SMAD2: variants seen among roughly 807,000 people sequenced by gnomAD.
SMAD2 encodes SMAD family member 2, also known as MAD homolog 2.
A neutral mutation model predicts 64.4 loss-of-function variants in SMAD2; 8 were observed. The ratio of observed to expected loss-of-function variants is 0.12; its 90% CI spans 0.07 to 0.22. The LOEUF (loss-of-function observed/expected upper bound fraction) is 0.22, where lower values mean the gene tolerates loss of function less well. Ranked by LOEUF, SMAD2 falls within the 10% of genes least tolerant of loss-of-function variation. The pLI is 1.00. For missense variants in SMAD2, 289 were observed against 561.2 expected, an observed-to-expected ratio of 0.51 and a Z score of 4.90; for synonymous variants, 203 against 195.8, an observed-to-expected ratio of 1.04 and a Z score of -0.31.
At position 47,816,934 on chromosome 18, in the gene SMAD2, T is replaced by C. The variant is rs902906032; in HGVS notation, c.*24893A>G. 3 of 152,076 alleles carry C rather than the reference T, an allele frequency of 2.0e-5. No individual in the cohort carries two copies. The highest frequency in any genetic ancestry group is 7.2e-5 in the African/African-American group (3 of 41,394). The allele number at this position is 152,076 out of a possible 1,614,324, so 9.4% of individuals were successfully genotyped here. On this transcript the variant is annotated 3_prime_UTR_variant, in exon 11 of 11. Coordinates refer to ENST00000262160, the MANE Select transcript of SMAD2 (RefSeq NM_005901.6). ...CCACCAATACACCCATCTAATTTTTTGTATTTTTAGTAGAGAGGGGGTTTC... is the reference window on the plus strand; with the variant it reads ...CCACCAATACACCCATCTAATTTTTCGTATTTTTAGTAGAGAGGGGGTTTC...
intron 1 of SMAD2, among the ~76,000 whole-genome samples, chr18:47,924,132 T>C (rs1392661554): frequency 6.6e-6 from 1 of 150,928 alleles, no homozygotes; most frequent in African/African-American, 2.4e-5. Flanking sequence ...CCTGTAATCC[T>C]AGCTACTCAG....
chr18:47,909,184 T>C (rs1221109212), intron 1 of SMAD2, among the ~76,000 whole-genome samples: 2 of 152,224 alleles, frequency 1.3e-5, no homozygotes, highest in Non-Finnish European at 2.9e-5. Flanking sequence ...ATGCAGGTTT[T>C]ATGTAGGTAC....
rs569215454 is a variant in SMAD2 at position 47,857,689 on chromosome 18, C to G, written c.731-6362G>C. On this transcript the variant is annotated intron_variant, in intron 6 of 10. Transcript: ENST00000262160. ...CACTTTCACTACTGACAGCATCTGCCAAGTCAGGACACAGACAAAGGACTG... is the reference window on the plus strand; with the variant it reads ...CACTTTCACTACTGACAGCATCTGCGAAGTCAGGACACAGACAAAGGACTG... Among the ~76,000 whole-genome samples the G allele has an allele frequency of 6.6e-5, 10 of 152,312 alleles. No individual in the cohort carries two copies. The East Asian group carries it at 1.7e-3, about 26-fold the overall frequency.
chr18:47,876,381 T>C (rs1055113935), intron 2 of SMAD2, among the ~76,000 whole-genome samples: 3 of 152,064 alleles, frequency 2.0e-5, no homozygotes, highest in Non-Finnish European at 4.4e-5. Flanking sequence ...CTAACTACAA[T>C]GATGTCCCTG....
chr18:47,857,497 T>C (rs1050167863), intron 6 of SMAD2, among the ~76,000 whole-genome samples: 8 of 152,196 alleles, frequency 5.3e-5, no homozygotes, highest in African/African-American at 7.2e-5. Context: ...ATGTAGAAGA[T>C]TGGGGAAAAC....
At chr18:47,843,893 TTCTC>T (rs987637992) in intron 10 of SMAD2, among the ~76,000 whole-genome samples, 22 of 152,338 alleles carry the variant, frequency 1.4e-4, no homozygotes, top group Admixed American at 1.3e-3. Context: ...ACACATGGAA[TTCTC>T]TCTGTAATTC....
At chr18:47,851,048 G>C (rs2030010462) in intron 7 of SMAD2, among the ~76,000 whole-genome samples, 1 of 149,270 alleles carries the variant, frequency 6.7e-6, no homozygotes, top group African/African-American at 2.5e-5. Flanking sequence ...ATAATAAATA[G>C]ATTATACCTA....
At chr18:47,884,794 T>C (rs1202637281) in intron 2 of SMAD2, among the ~76,000 whole-genome samples, 1 of 152,194 alleles carries the variant, frequency 6.6e-6, no homozygotes, top group African/African-American at 2.4e-5. Context: ...TACTCATCTT[T>C]GATATAGTAT....
At chr18:47,848,446 T>C in intron 8 of SMAD2, 29 bp downstream of exon 8, 1 of 1,532,710 alleles carries the variant, frequency 6.5e-7, no homozygotes, top group Non-Finnish European at 9.0e-7. Context: ...ACAGCATTTA[T>C]TTTTCACAAC....
intron 2 of SMAD2, among the ~76,000 whole-genome samples, chr18:47,885,302 G>A (rs551601528): frequency 2.0e-5 from 3 of 151,870 alleles, no homozygotes; most frequent in African/African-American, 7.2e-5. Flanking sequence ...CAGCCTCTCA[G>A]ATAGCTGGAA....
chr18:47,845,457 T>C lies in SMAD2; in HGVS notation c.1163A>G (p.Gln388Arg), dbSNP rs746828424. Reference protein sequence around the residue: ...PGCNLKIFNNQEFAALLAQSV... With the variant: ...PGCNLKIFNNREFAALLAQSV... Reference sequence around the variant, plus strand: ...CTGAGCCAGAAGAGCAGCAAATTCCTGGTTGTTGAAGATCTTCAGATTACA... The same window carrying C: ...CTGAGCCAGAAGAGCAGCAAATTCCCGGTTGTTGAAGATCTTCAGATTACA... Residue 388 changes from glutamine (Q) to arginine (R), a missense_variant, in exon 10 of 11, where the codon CAG becomes CGG. By Grantham distance (43) the Gln-to-Arg change is conservative. Around this residue, in one of 6 missense-constraint regions of SMAD2, gnomAD observed 49 missense variants for 101.1 expected, o/e 0.48. Transcript: ENST00000262160. 1.4e-5 allele frequency: 23 copies of C among 1,613,804 alleles called. No homozygotes were observed. Among genetic ancestry groups the C allele is most frequent in the Non-Finnish European group, 1.9e-5 (23 of 1,179,720 alleles).
At chr18:47,850,285 TA>T (rs1313553734) in intron 7 of SMAD2, among the ~76,000 whole-genome samples, 2 of 55,690 alleles carry the variant, frequency 3.6e-5, no homozygotes, top group African/African-American at 1.5e-4. Flanking sequence ...ATATTATATA[TA>T]TTATGTATAA....
rs1225964948 is a variant in SMAD2 at position 47,828,228 on chromosome 18, TG to T, written c.*13598del. On this transcript the variant is annotated 3_prime_UTR_variant, in exon 11 of 11. Coordinates refer to ENST00000262160, the MANE Select transcript of SMAD2 (RefSeq NM_005901.6). ...GCAGCCGCCCCGTCTGGGAGGGAGG[TG>T]GGGGGCAGCCCCTGCTCGGCCAGCC... The T allele has an allele frequency of 1.1e-4, 16 of 144,896 alleles. No individual in the cohort carries two copies. The East Asian group carries it at 1.9e-3, about 17-fold the overall frequency. The allele number at this position is 144,896 out of a possible 1,614,324, so 9.0% of individuals were successfully genotyped here.
chr18:47,911,268 T>C (rs1384659535), intron 1 of SMAD2, among the ~76,000 whole-genome samples: 1 of 151,742 alleles, frequency 6.6e-6, no homozygotes, highest in East Asian at 1.9e-4. Flanking sequence ...GGAGAATCGC[T>C]TGAACCTGGG....
At chr18:47,873,245 T>C (rs1344189118) in intron 2 of SMAD2, among the ~76,000 whole-genome samples, 5 of 152,060 alleles carry the variant, frequency 3.3e-5, no homozygotes, top group Non-Finnish European at 1.5e-5. Context: ...ATAAGCAGCA[T>C]CTAGATAAAT....
At chr18:47,879,034 C>T (rs1250142156) in intron 2 of SMAD2, among the ~76,000 whole-genome samples, 1 of 152,094 alleles carries the variant, frequency 6.6e-6, no homozygotes, top group Admixed American at 6.5e-5. Context: ...ATTCAGGAGG[C>T]CGAGACTTGA....
In SMAD2 at chr18:47,830,940, TTAAC is replaced by T. The variant is rs1216596957; in HGVS notation, c.*10883_*10886del. 1 of 151,140 alleles carries T rather than the reference TTAAC, an allele frequency of 6.6e-6. No homozygotes were observed. Among genetic ancestry groups the T allele is most frequent in the African/African-American group, 2.5e-5 (1 of 40,378 alleles). The allele number at this position is 151,140 out of a possible 1,614,324, so 9.4% of individuals were successfully genotyped here. A position where few individuals can be genotyped will look rare whatever the true frequency, so the allele number is the denominator to read the frequency against. On this transcript the variant is annotated 3_prime_UTR_variant, in exon 11 of 11. Transcript: ENST00000262160. ...TCATCTTTGGCTGTGAGCAAAAAAG[TTAAC>T]TAAGTTTCACTTAATACACACACAC...
intron 2 of SMAD2, among the ~76,000 whole-genome samples, chr18:47,886,604 TC>T (rs1320377990): frequency 7.3e-5 from 11 of 150,560 alleles, no homozygotes; most frequent in African/African-American, 2.4e-4. Context: ...TATCTATCTA[TC>T]TATCTATCTA....
At chr18:47,888,990 C>G (rs1203012978) in intron 2 of SMAD2, among the ~76,000 whole-genome samples, 5 of 151,890 alleles carry the variant, frequency 3.3e-5, no homozygotes, top group Non-Finnish European at 7.4e-5. Context: ...CATACTATAA[C>G]TGAAGGATAT....
Sources: allele counts gnomAD v4.1 joint callset (sites outside exome capture counted in the v4.1 genomes callset), GRCh38; gene constraint gnomAD v4.1.1; regional missense constraint gnomAD v4.1.1; transcripts MANE v1.5; gene names NCBI Gene and HGNC (gene_info 2026-07-23, HGNC 2026-07-21).